Variants in NALCN observed in about 807,000 individuals in gnomAD.
NALCN encodes sodium leak channel, non-selective.
Under a neutral mutation model 225.3 loss-of-function variants are expected in NALCN, and 111 were observed. The observed-to-expected ratio is 0.49, with a 90% CI of 0.42 to 0.58. NALCN has a LOEUF of 0.58. Among genes scored for constraint, NALCN ranks in the 20% least tolerant of loss-of-function variants. The pLI, the probability that NALCN is intolerant of heterozygous loss-of-function variation, is 0.00. For missense variants in NALCN, 1,378 were observed against 2,202.4 expected (o/e 0.63, Z 7.49); for synonymous variants, 764 against 769.0 (o/e 0.99, Z 0.11).
At position 101,145,621 on chromosome 13, in the gene NALCN, G is replaced by T. The variant is rs539984391; in HGVS notation, c.1840-725C>A. Among the ~76,000 whole-genome samples, 6 of 152,300 alleles carry T rather than the reference G, an allele frequency of 3.9e-5. No homozygotes were observed. In the East Asian group the frequency reaches 7.7e-4, roughly 20 times the overall value. ...CAAGGCTGAACTAAGATACTACAAA[G>T]GTGGACTGTGGCTTCCAGAATTCAT... On this transcript the variant is annotated intron_variant, in intron 15 of 43. Transcript: ENST00000251127.
intron 11 of NALCN, among the ~76,000 whole-genome samples, chr13:101,238,493 T>C (rs2140158611): frequency 6.6e-6 from 1 of 152,084 alleles, no homozygotes; most frequent in East Asian, 1.9e-4. Flanking sequence ...ATGATCAATA[T>C]TAGTATATTA....
At chr13:101,059,674 C>CTTTTT in intron 42 of NALCN, 144 bp downstream of exon 42, 1 of 607,346 alleles carries the variant, frequency 1.6e-6, no homozygotes, top group Non-Finnish European at 2.5e-6. Flanking sequence ...TTTCCGTTGC[C>CTTTTT]TTTTTTTTTT....
intron 17 of NALCN, among the ~76,000 whole-genome samples, chr13:101,137,187 A>G (rs79260811): frequency 0.022 from 3,394 of 152,288 alleles, 47 homozygotes; most frequent in Middle Eastern, 0.071. Flanking sequence ...AGGAACACCA[A>G]TTCTTCCCTT....
Position 101,143,149 on chromosome 13 carries a change from G to C in NALCN, c.2049C>G (p.Thr683=), listed in dbSNP as rs762180800. ...DTCCLLRSLP[T]TSSSSCDHSK... ...AGTGGTCGCAGGAGGAGGAAGAGGTGGTCGGGAGGCTTCTCAGGAGGCAAC... is the reference window on the plus strand; with the variant it reads ...AGTGGTCGCAGGAGGAGGAAGAGGTCGTCGGGAGGCTTCTCAGGAGGCAAC... The change falls in exon 17 of 44, where the codon ACC becomes ACG. Residue 683 remains threonine, a synonymous_variant. Transcript: ENST00000251127. The C allele has an allele frequency of 6.2e-7, 1 of 1,614,092 alleles. No homozygotes were observed. The highest frequency in any genetic ancestry group is 8.5e-7 in the Non-Finnish European group (1 of 1,180,014).
At chr13:101,252,175 A>T (rs936532725) in intron 11 of NALCN, among the ~76,000 whole-genome samples, 4 of 152,154 alleles carry the variant, frequency 2.6e-5, no homozygotes, top group African/African-American at 7.2e-5. Context: ...AGAGTCACAC[A>T]TCGATGGCCA....
intron 6 of NALCN, among the ~76,000 whole-genome samples, chr13:101,347,694 G>T (rs968191749): frequency 6.6e-6 from 1 of 152,148 alleles, no homozygotes; most frequent in South Asian, 2.1e-4. Context: ...TTTACTGGTT[G>T]TGTGACTTAA....
intron 13 of NALCN, among the ~76,000 whole-genome samples, chr13:101,218,959 T>G (rs1375541046): frequency 1.3e-5 from 2 of 152,148 alleles, no homozygotes; most frequent in African/African-American, 4.8e-5. Context: ...CTTCCTCTTA[T>G]GCATATTTGT....
chr13:101,199,976 A>G (rs1376924567), intron 13 of NALCN, among the ~76,000 whole-genome samples: 1 of 151,988 alleles, frequency 6.6e-6, no homozygotes, highest in Non-Finnish European at 1.5e-5. Flanking sequence ...CCTAATGTCT[A>G]AATGTTACAG....
At chr13:101,214,014 T>G (rs2040626160) in intron 13 of NALCN, among the ~76,000 whole-genome samples, 1 of 152,176 alleles carries the variant, frequency 6.6e-6, no homozygotes, top group Non-Finnish European at 1.5e-5. Context: ...TGTGGCACTA[T>G]TCACAATAGC....
At chr13:101,079,913 T>C (rs1277003252) in intron 34 of NALCN, among the ~76,000 whole-genome samples, 1 of 152,144 alleles carries the variant, frequency 6.6e-6, no homozygotes, top group African/African-American at 2.4e-5. Flanking sequence ...TAAATGAGTC[T>C]TTCCCAGCAT....
Position 101,238,551 on chromosome 13 carries a change from A to G in NALCN, c.1267-629T>C, listed in dbSNP as rs554736119. On this transcript the variant is annotated intron_variant, in intron 11 of 43. Coordinates refer to ENST00000251127, the MANE Select transcript of NALCN (RefSeq NM_052867.4). ...TCTCTCACATGCATTCTATGAATTTACTATTCCAAATAACAATATTATAAA... is the reference window on the plus strand; with the variant it reads ...TCTCTCACATGCATTCTATGAATTTGCTATTCCAAATAACAATATTATAAA... Among the ~76,000 whole-genome samples the G allele has an allele frequency of 2.6e-5, 4 of 152,122 alleles. No homozygotes were observed. The East Asian group carries it at 7.7e-4, about 29-fold the overall frequency.
In NALCN at chr13:101,216,787, T is replaced by C. The variant is rs143473466; in HGVS notation, c.1626+12606A>G. On this transcript the variant is annotated intron_variant, in intron 13 of 43. Transcript: ENST00000251127. Reference sequence around the variant, plus strand: ...TTTTGGTGGCAAGAGGAAAGGAAAGTTAATTTTTAATTATGTGTTTTATAG... The same window carrying C: ...TTTTGGTGGCAAGAGGAAAGGAAAGCTAATTTTTAATTATGTGTTTTATAG... Among the ~76,000 whole-genome samples the C allele has an allele frequency of 1.6e-4, 25 of 152,294 alleles. No individual in the cohort carries two copies. The East Asian group carries it at 4.8e-3, about 29-fold the overall frequency.
chr13:101,144,659 AC>A (rs2037255617), intron 16 of NALCN, 100 bp downstream of exon 16: 1 of 1,221,402 alleles, frequency 8.2e-7, no homozygotes, highest in African/African-American at 1.5e-5. Context: ...ATAGAAAGAA[AC>A]CCAACCCACA....
chr13:101,108,049 T>G (rs2035234328), intron 20 of NALCN, among the ~76,000 whole-genome samples: 1 of 148,140 alleles, frequency 6.8e-6, no homozygotes, highest in Admixed American at 6.8e-5. Context: ...TATGTATATT[T>G]ATACTAAGTA....
intron 34 of NALCN, 50 bp downstream of exon 34, chr13:101,081,477 T>G (rs999653471): frequency 1.9e-5 from 30 of 1,612,734 alleles, no homozygotes; most frequent in Non-Finnish European, 2.4e-5. Context: ...TGAGCAGAAC[T>G]GAACCAAACT....
chr13:101,216,519 A>T (rs1416423808), intron 13 of NALCN, among the ~76,000 whole-genome samples: 5 of 152,012 alleles, frequency 3.3e-5, no homozygotes, highest in Non-Finnish European at 5.9e-5. Flanking sequence ...TATTATTCAT[A>T]TCTTTTTGCA....
At chr13:101,066,621 A>G (rs2032413973) in intron 39 of NALCN, among the ~76,000 whole-genome samples, 1 of 152,142 alleles carries the variant, frequency 6.6e-6, no homozygotes, top group Non-Finnish European at 1.5e-5. Flanking sequence ...CGTGGGTGAC[A>G]GTTACAGAGA....
At chr13:101,368,763 T>C (rs1030890389) in intron 6 of NALCN, 5 of 154,544 alleles carry the variant, frequency 3.2e-5, no homozygotes, top group Non-Finnish European at 7.2e-5. Context: ...CCCAGCACTT[T>C]GGGAGGCTGA....
chr13:101,247,239 C>T (rs2041923520), intron 11 of NALCN, among the ~76,000 whole-genome samples: 1 of 152,174 alleles, frequency 6.6e-6, no homozygotes, highest in South Asian at 2.1e-4. Flanking sequence ...TAGGCAGCTG[C>T]AGGCCTCCAG....
Sources: allele counts gnomAD v4.1 joint callset (sites outside exome capture counted in the v4.1 genomes callset), GRCh38; gene constraint gnomAD v4.1.1; transcripts MANE v1.5; gene names NCBI Gene and HGNC (gene_info 2026-07-23, HGNC 2026-07-21).